The following VWC2L variants were observed in gnomAD, a reference collection of about 807,000 sequenced individuals.
The protein encoded by VWC2L is von Willebrand factor C domain containing 2 like.
In VWC2L, 10 loss-of-function variants were observed where a neutral mutation model predicts 21.6. That is an observed-to-expected ratio of 0.46 (90% CI 0.29 to 0.78). The LOEUF (loss-of-function observed/expected upper bound fraction) is 0.78. Ranked by LOEUF, VWC2L falls within the 30% of genes least tolerant of loss-of-function variation. The pLI is 0.10. For synonymous variants in VWC2L, 96 were observed against 94.3 expected, an observed-to-expected ratio of 1.02 and a Z score of -0.10; for missense variants, 209 against 277.1, an observed-to-expected ratio of 0.75 and a Z score of 1.74.
At chr2:214,550,536 T>C (rs1267855802) in intron 3 of VWC2L, among the ~76,000 whole-genome samples, 2 of 152,172 alleles carry the variant, frequency 1.3e-5, no homozygotes, top group African/African-American at 4.8e-5. Flanking sequence ...CTTGAACCTG[T>C]TTTGTTTTCT....
rs149408955 is a variant in VWC2L, at chr2:214,476,772, TTC to T, written c.520+40025_520+40026del. Among the ~76,000 whole-genome samples the T allele has an allele frequency of 7.9e-5, 12 of 152,246 alleles. No homozygotes were observed. In the East Asian group the frequency reaches 1.4e-3, roughly 17 times the overall value. On this transcript the variant is annotated intron_variant, in intron 3 of 3. Coordinates refer to ENST00000312504, the MANE Select transcript of VWC2L (RefSeq NM_001080500.4). ...ACACCACTTACTCTCTGTTTTCCCT[TTC>T]TCTCTCTCTCCTCTCTCTCCCTTTT...
chr2:214,423,283 T>C (rs1702470668), intron 2 of VWC2L, among the ~76,000 whole-genome samples: 1 of 152,174 alleles, frequency 6.6e-6, no homozygotes, highest in Non-Finnish European at 1.5e-5. Flanking sequence ...CCATAGAATT[T>C]TAGATCTAAA....
At chr2:214,560,987 A>G (rs139806767) in intron 3 of VWC2L, among the ~76,000 whole-genome samples, 12 of 152,330 alleles carry the variant, frequency 7.9e-5, no homozygotes, top group Non-Finnish European at 1.6e-4. Context: ...TAAGCTCCAT[A>G]TATTTTGAAA....
At chr2:214,536,780 T>C (rs750927587) in intron 3 of VWC2L, 1 of 152,202 alleles carries the variant, frequency 6.6e-6, no homozygotes, top group Non-Finnish European at 1.5e-5. Flanking sequence ...CCTAGCGTGA[T>C]TTACCAAAGG....
intron 3 of VWC2L, among the ~76,000 whole-genome samples, chr2:214,464,615 C>T (rs1703189678): frequency 6.6e-6 from 1 of 152,100 alleles, no homozygotes; most frequent in East Asian, 1.9e-4. Flanking sequence ...AGGTCTCACC[C>T]AAGGCCCATG....
chr2:214,464,680 T>C (rs991410732), intron 3 of VWC2L, among the ~76,000 whole-genome samples: 3 of 152,160 alleles, frequency 2.0e-5, no homozygotes, highest in African/African-American at 7.2e-5. Context: ...GGCTCTTCAG[T>C]TGGCAGGTGA....
intron 3 of VWC2L, among the ~76,000 whole-genome samples, chr2:214,568,381 G>T (rs1342416366): frequency 6.6e-6 from 1 of 152,130 alleles, no homozygotes; most frequent in Non-Finnish European, 1.5e-5. Context: ...ACTGCTTCTA[G>T]AAGTCTTGTT....
At chr2:214,482,147 G>A (rs765360980) in intron 3 of VWC2L, among the ~76,000 whole-genome samples, 2 of 152,092 alleles carry the variant, frequency 1.3e-5, no homozygotes, top group Non-Finnish European at 2.9e-5. Context: ...ATGAACAGTC[G>A]CAATAGGTCT....
chr2:214,489,634 C>G (rs1192549900), intron 3 of VWC2L, among the ~76,000 whole-genome samples: 1 of 152,156 alleles, frequency 6.6e-6, no homozygotes, highest in Non-Finnish European at 1.5e-5. Flanking sequence ...ATAGGGAGCT[C>G]TGGAGAGAAA....
intron 3 of VWC2L, among the ~76,000 whole-genome samples, chr2:214,567,136 C>T (rs1690074401): frequency 6.6e-6 from 1 of 152,142 alleles, no homozygotes; most frequent in Non-Finnish European, 1.5e-5. Context: ...AATAAATTTT[C>T]AAATCAAGGC....
chr2:214,426,069 G>T (rs1702520058), intron 2 of VWC2L, among the ~76,000 whole-genome samples: 1 of 151,196 alleles, frequency 6.6e-6, no homozygotes, highest in African/African-American at 2.4e-5. Context: ...GTACTTTGGA[G>T]GCTGAGGCAG....
intron 3 of VWC2L, among the ~76,000 whole-genome samples, chr2:214,548,176 T>G (rs1207632715): frequency 2.6e-5 from 4 of 152,190 alleles, no homozygotes; most frequent in Admixed American, 2.6e-4. Context: ...AGTAGTACAC[T>G]ACCAAAGCAA....
chr2:214,536,368 A>G (rs569279549), intron 3 of VWC2L, among the ~76,000 whole-genome samples: 2 of 152,192 alleles, frequency 1.3e-5, no homozygotes, highest in African/African-American at 4.8e-5. Context: ...CATGATCACA[A>G]TGAATTAAAG....
Position 214,480,075 on chromosome 2 carries a change from T to G in VWC2L, c.520+43317T>G, listed in dbSNP as rs575100352. Among the ~76,000 whole-genome samples, 149 of 152,284 alleles carry G rather than the reference T, an allele frequency of 9.8e-4. 1 individual carries two copies. The highest frequency in any genetic ancestry group is 3.5e-3 in the African/African-American group (145 of 41,566). The stretch of plus-strand genomic sequence containing the variant: ...CATATTATAAGTAATATAGAGATTA[T>G]TTAAAGTATATGGGAGGATGTGAGT... On this transcript the variant is annotated intron_variant, in intron 3 of 3. Coordinates refer to ENST00000312504, the MANE Select transcript of VWC2L (RefSeq NM_001080500.4).
At chr2:214,447,533 C>T (rs1702856309) in intron 3 of VWC2L, among the ~76,000 whole-genome samples, 1 of 152,138 alleles carries the variant, frequency 6.6e-6, no homozygotes, top group African/African-American at 2.4e-5. Context: ...GTTGGAATCC[C>T]AGAGCCAACC....
intron 3 of VWC2L, among the ~76,000 whole-genome samples, chr2:214,477,677 ACAT>A: frequency 1.3e-5 from 2 of 152,322 alleles, no homozygotes; most frequent in Middle Eastern, 6.8e-3. Flanking sequence ...CTCTTGCCTA[ACAT>A]CATATAACTA....
intron 3 of VWC2L, among the ~76,000 whole-genome samples, chr2:214,450,022 T>C (rs13395422): frequency 0.16 from 24,260 of 152,176 alleles, 2,028 homozygotes; most frequent in East Asian, 0.26. Context: ...AGCCTCCTGC[T>C]CCAACTTTCT....
At chr2:214,488,148 C>T (rs1688696727) in intron 3 of VWC2L, among the ~76,000 whole-genome samples, 2 of 152,198 alleles carry the variant, frequency 1.3e-5, no homozygotes, top group Non-Finnish European at 2.9e-5. Context: ...ATGGATTCTG[C>T]TTACCCCAGC....
chr2:214,558,154 C>T (rs780391576), intron 3 of VWC2L, among the ~76,000 whole-genome samples: 2 of 152,188 alleles, frequency 1.3e-5, no homozygotes, highest in Non-Finnish European at 2.9e-5. Flanking sequence ...CTTTCCTTTG[C>T]TTCTCTGCTA....
Sources: allele counts gnomAD v4.1 joint callset (sites outside exome capture counted in the v4.1 genomes callset), GRCh38; gene constraint gnomAD v4.1.1; transcripts MANE v1.5; gene names NCBI Gene and HGNC (gene_info 2026-07-23, HGNC 2026-07-21).